ULK4: variants seen among roughly 807,000 people sequenced by gnomAD.
The protein encoded by ULK4 is inactive serine/threonine-protein kinase ULK4.
Under a neutral mutation model 160.6 loss-of-function variants are expected in ULK4, and 133 were observed. That is an observed-to-expected ratio of 0.83 (90% CI 0.72 to 0.96). The LOEUF is 0.96. ULK4 is among the 40% of genes least tolerant of loss of function. The pLI is 0.00. For missense variants in ULK4, 1,580 were observed against 1,499.5 expected (o/e 1.05, Z -0.89); for synonymous variants, 534 against 539.8 (o/e 0.99, Z 0.15).
At chr3:41,799,698 C>T (rs114460073) in intron 20 of ULK4, among the ~76,000 whole-genome samples, 6,468 of 151,972 alleles carry the variant, frequency 0.043, 423 homozygotes, top group African/African-American at 0.15. Context: ...CCCATCTCTA[C>T]AAAAATACAA....
intron 32 of ULK4, among the ~76,000 whole-genome samples, chr3:41,470,044 A>AAAAAAAAAAAAAAC (rs1415943037): frequency 1.0e-4 from 12 of 116,688 alleles, no homozygotes; most frequent in African/African-American, 2.1e-4. Context: ...AAAAAAAAAA[A>AAAAAAAAAAAAAAC]AACAAAGTAT....
chr3:41,493,225 T>G (rs930783105), intron 32 of ULK4, among the ~76,000 whole-genome samples: 1 of 145,316 alleles, frequency 6.9e-6, no homozygotes, highest in African/African-American at 2.6e-5. Context: ...TATAACAAAC[T>G]GTCTCTCAGA....
intron 35 of ULK4, among the ~76,000 whole-genome samples, chr3:41,305,683 C>T (rs1393158037): frequency 1.5e-5 from 2 of 134,902 alleles, no homozygotes; most frequent in Non-Finnish European, 3.0e-5. Flanking sequence ...GGCCGCCCAT[C>T]GTCTGGGATG....
intron 32 of ULK4, among the ~76,000 whole-genome samples, chr3:41,542,185 C>T (rs776473218): frequency 3.9e-5 from 6 of 152,122 alleles, no homozygotes; most frequent in South Asian, 2.1e-4. Flanking sequence ...TTTTGAGATA[C>T]GTTCCTTCGA....
intron 32 of ULK4, among the ~76,000 whole-genome samples, chr3:41,540,992 C>G (rs999837925): frequency 1.3e-5 from 2 of 152,138 alleles, no homozygotes; most frequent in Non-Finnish European, 2.9e-5. Context: ...CCTGTTCACT[C>G]TGATGGTCTC....
At chr3:41,537,206 G>A (rs770971911) in intron 32 of ULK4, among the ~76,000 whole-genome samples, 2 of 149,688 alleles carry the variant, frequency 1.3e-5, no homozygotes, top group Non-Finnish European at 3.0e-5. Context: ...TTTTTTTGTT[G>A]CCATATCCAC....
At chr3:41,341,016 C>A (rs2080670851) in intron 35 of ULK4, among the ~76,000 whole-genome samples, 1 of 152,152 alleles carries the variant, frequency 6.6e-6, no homozygotes, top group Non-Finnish European at 1.5e-5. Flanking sequence ...GAGAATGACT[C>A]CCAAGCTGGA....
At chr3:41,707,040 T>A (rs1053320975) in intron 25 of ULK4, among the ~76,000 whole-genome samples, 4 of 151,988 alleles carry the variant, frequency 2.6e-5, no homozygotes, top group African/African-American at 9.7e-5. Flanking sequence ...AACTCCCCCA[T>A]CCCATCTGCC....
intron 18 of ULK4, among the ~76,000 whole-genome samples, chr3:41,824,163 T>TTA (rs555935496): frequency 8.5e-6 from 1 of 117,812 alleles, no homozygotes; most frequent in African/African-American, 3.5e-5. Flanking sequence ...ACTCTATCTT[T>TTA]AAAAAAAAAA....
chr3:41,310,918 G>T (rs746266028), intron 35 of ULK4, among the ~76,000 whole-genome samples: 10 of 151,896 alleles, frequency 6.6e-5, no homozygotes, highest in Admixed American at 5.3e-4. Flanking sequence ...ACTTGAACCC[G>T]GGAAGTTGAG....
chr3:41,742,820 G>A (rs1431391441), intron 22 of ULK4, among the ~76,000 whole-genome samples: 2 of 151,692 alleles, frequency 1.3e-5, no homozygotes, highest in African/African-American at 2.4e-5. Flanking sequence ...TACAATAACC[G>A]AAATAAAAAC....
chr3:41,374,069 C>A (rs2081427632), intron 35 of ULK4, among the ~76,000 whole-genome samples: 1 of 152,124 alleles, frequency 6.6e-6, no homozygotes, highest in Non-Finnish European at 1.5e-5. Context: ...CACATACACC[C>A]TCCCAAGACT....
At chr3:41,293,711 T>A (rs1252249928) in intron 35 of ULK4, among the ~76,000 whole-genome samples, 1 of 152,246 alleles carries the variant, frequency 6.6e-6, no homozygotes, top group East Asian at 1.9e-4. Flanking sequence ...CTCACAGAGC[T>A]GCTGTGAGGA....
chr3:41,945,275 G>A (rs1700080180), intron 2 of ULK4, among the ~76,000 whole-genome samples: 1 of 152,104 alleles, frequency 6.6e-6, no homozygotes, highest in Non-Finnish European at 1.5e-5. Flanking sequence ...GGATGCCTTG[G>A]GGCCTTTACC....
At chr3:41,395,177 G>T (rs967801580) in intron 35 of ULK4, among the ~76,000 whole-genome samples, 1 of 132,726 alleles carries the variant, frequency 7.5e-6, no homozygotes, top group Middle Eastern at 3.8e-3. Flanking sequence ...ATCACATTAT[G>T]ATTGAAAGCA....
intron 32 of ULK4, among the ~76,000 whole-genome samples, chr3:41,536,596 T>TA (rs1188992842): frequency 1.3e-5 from 2 of 152,240 alleles, no homozygotes; most frequent in African/African-American, 4.8e-5. Context: ...TTATTAACTG[T>TA]ATTCTTATAA....
intron 32 of ULK4, 87 bp from the exon 33 acceptor site, chr3:41,463,340 T>C: frequency 7.5e-7 from 1 of 1,327,116 alleles, no homozygotes; most frequent in Middle Eastern, 2.1e-4. Context: ...ATTCTGGCTC[T>C]ATGTTGCATA....
intron 21 of ULK4, among the ~76,000 whole-genome samples, chr3:41,759,437 C>T (rs1200370237): frequency 6.6e-6 from 1 of 152,108 alleles, no homozygotes; most frequent in Non-Finnish European, 1.5e-5. Flanking sequence ...AACAAAACAT[C>T]TACAGAATCT....
chr3:41,574,476 T>C (rs73085048), intron 31 of ULK4, among the ~76,000 whole-genome samples: 21,931 of 148,224 alleles, frequency 0.15, 1,810 homozygotes, highest in Admixed American at 0.19. Flanking sequence ...GACCACAGTC[T>C]CCTAATGGGT....
Sources: gnomAD v4.1 joint callset for allele counts (sites outside exome capture counted in the v4.1 genomes callset) on GRCh38, gnomAD v4.1.1 for gene constraint, MANE v1.5 for transcripts, NCBI Gene and HGNC (gene_info 2026-07-23, HGNC 2026-07-21) for gene names.